PTPRS: variants seen among roughly 807,000 people sequenced by gnomAD.
The protein encoded by PTPRS is receptor-type tyrosine-protein phosphatase S.
PTPRS carries 63 observed loss-of-function variants against 215.3 expected under a neutral mutation model. That is an observed-to-expected ratio of 0.29 (90% confidence interval 0.24 to 0.36). PTPRS has a LOEUF of 0.36. PTPRS is among the 10% of genes least tolerant of loss of function. The pLI is 1.00. For missense variants in PTPRS, 2,258 were observed against 2,825.8 expected (o/e 0.80, Z 4.56); for synonymous variants, 1,404 against 1,191.4 (o/e 1.18, Z -3.68).
rs762693767 is a variant in PTPRS at position 5,239,071 on chromosome 19, C to T, written c.1705-8G>A. 2.5e-6 allele frequency: 4 copies of T among 1,600,110 alleles called. No homozygotes were observed. The Admixed American group carries it at 6.8e-5, about 27-fold the overall frequency. ...GTCGAAGGTCCTTCCCACCTGGGGG[C>T]AGGGCAGAGAAGGACAGAGAGGGAT... On this transcript the variant is annotated splice_polypyrimidine_tract_variant and splice_region_variant and intron_variant, in intron 12 of 37. Coordinates refer to ENST00000262963, the MANE Select transcript of PTPRS (RefSeq NM_002850.4).
chr19:5,239,339 CA>C (rs1241618328), intron 12 of PTPRS, among the ~76,000 whole-genome samples: 1 of 148,138 alleles, frequency 6.8e-6, no homozygotes, highest in South Asian at 2.2e-4. Context: ...CAGAGAGAAA[CA>C]GGGGAGAGAG....
Position 5,244,289 on chromosome 19 carries a change from G to A in PTPRS, c.1182C>T (p.Pro394=). The A allele has an allele frequency of 1.2e-6, 2 of 1,614,256 alleles. 1 individual carries two copies. ...ACACCCAGATCTCGTACTCCGAGTT[G>A]GGGCTCAGGCCGCCGATGCTGTAAC... ...TTRYSIGGLS[P]NSEYEIWVSA... Residue 394 remains proline, a synonymous_variant, in exon 11 of 38, where the codon CCC becomes CCT. Transcript: ENST00000262963. This position sits in a 1 kb window ranked among gnomAD's most constrained non-coding sequence, Gnocchi z 7.2.
At chr19:5,323,699 G>A (rs2050093362) in intron 1 of PTPRS, among the ~76,000 whole-genome samples, 1 of 152,226 alleles carries the variant, frequency 6.6e-6, no homozygotes, top group African/African-American at 2.4e-5. Flanking sequence ...GGATGGAGCA[G>A]GTTGTGCAAG....
rs771526918 is a variant in PTPRS, at chr19:5,208,378, C to T, written c.5501G>A (p.Arg1834Gln). The T allele has an allele frequency of 5.0e-6, 8 of 1,601,028 alleles. No individual in the cohort carries two copies. The highest frequency in any genetic ancestry group is 2.7e-5 in the African/African-American group (2 of 74,608). Residue 1834 changes from arginine to glutamine, a missense_variant, in exon 36 of 38, where the codon CGG (arginine) becomes CAG (glutamine). Physicochemically the swap from Arg to Gln is conservative, Grantham distance 43. Coordinates refer to ENST00000262963, the MANE Select transcript of PTPRS (RefSeq NM_002850.4). ...KVTDARDGQS[R>Q]TVRQFQFTDW... ...TGTGAACTGGAACTGCCGGACAGTC[C>T]GGGACTGGCCATCCTAGAGTGCAGA...
Position 5,258,066 on chromosome 19 carries a change from G to C in PTPRS, c.657C>G (p.Thr219=). Residue 219 remains threonine (T), a synonymous_variant, in exon 8 of 38, where the codon ACC becomes ACG. Transcript: ENST00000262963. ...AGGAGTAGCGCACGCCGGCGCTGTT[G>C]GTGGCCACACACTCATATTTGCCCT... ...TDQGKYECVA[T]NSAGVRYSSP... is the part of the protein sequence containing the mutation. 6.2e-7 allele frequency: 1 copy of C among 1,614,168 alleles called. No individual in the cohort carries two copies. Among genetic ancestry groups the C allele is most frequent in the Non-Finnish European group, 8.5e-7 (1 of 1,180,018 alleles).
In PTPRS at chr19:5,295,385, T is replaced by C. The variant is rs1296418387; in HGVS notation, c.-94-9151A>G. 5.3e-5 allele frequency among the ~76,000 whole-genome samples: 8 copies of C among 152,170 alleles called. No homozygotes were observed. Among genetic ancestry groups the C allele is most frequent in the Admixed American group, 5.2e-4 (8 of 15,288 alleles). ...TGTCCATGTCTCTGTGGAGGCAGAC[T>C]CTTGCCCCTATTCCACAGTGGTGAC... On this transcript the variant is annotated intron_variant, in intron 1 of 37. Transcript: ENST00000262963. This position sits in a 1 kb window ranked among gnomAD's most constrained non-coding sequence, Gnocchi z 4.6.
intron 35 of PTPRS, 73 bp from the exon 36 acceptor site, chr19:5,208,464 C>G: frequency 7.5e-7 from 1 of 1,336,508 alleles, no homozygotes; most frequent in South Asian, 1.8e-5. Context: ...TCCTCCCTAT[C>G]TTCACCCCCA....
chr19:5,212,535 C>A, intron 30 of PTPRS, 44 bp from the exon 31 acceptor site: 1 of 1,542,256 alleles, frequency 6.5e-7, no homozygotes, highest in Non-Finnish European at 8.8e-7. Context: ...GCTCAACCTG[C>A]CACCCATGTG....
intron 1 of PTPRS, among the ~76,000 whole-genome samples, chr19:5,320,140 C>A (rs1239841655): frequency 6.6e-6 from 1 of 152,184 alleles, no homozygotes; most frequent in African/African-American, 2.4e-5. Flanking sequence ...CACGCCTACT[C>A]CAGCCGGGGC....
chr19:5,281,559 C>T (rs2047850606), intron 2 of PTPRS, among the ~76,000 whole-genome samples: 1 of 152,194 alleles, frequency 6.6e-6, no homozygotes, highest in Admixed American at 6.5e-5. Context: ...TCTTACTGTC[C>T]CTTCCACATC....
In PTPRS at chr19:5,206,791, C is replaced by A; in HGVS notation, c.5830G>T (p.Asp1944Tyr). The change falls in exon 38 of 38, where the codon GAC (aspartate) becomes TAC (tyrosine). Residue 1944 changes from aspartate to tyrosine, a missense_variant. Transcript: ENST00000262963. ...CCATGGCTTTAGGTTGCATAGTGGT[C>A]AAAGCTTCCGAGGTACTCCAGTGCC... ...QAALEYLGSFDHYAT is the reference protein window; with the variant it reads ...QAALEYLGSFYHYAT 1 of 1,614,058 alleles carries A rather than the reference C, an allele frequency of 6.2e-7. No individual in the cohort carries two copies. The highest frequency in any genetic ancestry group is 1.1e-5 in the South Asian group (1 of 91,064).
chr19:5,228,038 C>T (rs1006246685), intron 16 of PTPRS, among the ~76,000 whole-genome samples: 5 of 152,052 alleles, frequency 3.3e-5, no homozygotes, highest in African/African-American at 1.2e-4. Context: ...GGTCTCCTAC[C>T]CCTGAGCCTC....
intron 13 of PTPRS, among the ~76,000 whole-genome samples, chr19:5,236,485 C>T (rs1354875393): frequency 6.6e-6 from 1 of 152,204 alleles, no homozygotes; most frequent in Non-Finnish European, 1.5e-5. Flanking sequence ...ATCTACGTCC[C>T]CTGGAGGGAG....
chr19:5,258,770 G>A lies in PTPRS; in HGVS notation c.596-643C>T, dbSNP rs543168036. ...GAGGCAGCTAAAGTAAAAAAACGTT[G>A]ATGCTGGTGTGTATCAAGTATGTTT... On this transcript the variant is annotated intron_variant, in intron 7 of 37. Transcript: ENST00000262963. 5.9e-5 allele frequency among the ~76,000 whole-genome samples: 9 copies of A among 152,328 alleles called. No homozygotes were observed. The South Asian group carries it at 8.3e-4, about 14-fold the overall frequency.
chr19:5,302,768 CATGGCTCGGCCAGGCGTG>C (rs979130899), intron 1 of PTPRS, among the ~76,000 whole-genome samples: 11 of 152,008 alleles, frequency 7.2e-5, no homozygotes, highest in African/African-American at 2.7e-4. Flanking sequence ...CTTCAAAAAC[CATGGCTCGGCCAGGCGTG>C]GTGGCTCACG....
At chr19:5,261,317 G>A (rs911655526) in intron 6 of PTPRS, among the ~76,000 whole-genome samples, 2 of 152,148 alleles carry the variant, frequency 1.3e-5, no homozygotes, top group Non-Finnish European at 2.9e-5. Context: ...AGGTGGGTGG[G>A]GTTAGTGCCC....
At position 5,287,861 on chromosome 19, in the gene PTPRS, C is replaced by A. The variant is rs563071676; in HGVS notation, c.-94-1627G>T. 1.6e-3 allele frequency among the ~76,000 whole-genome samples: 238 copies of A among 152,070 alleles called. 1 individual carries two copies. Among genetic ancestry groups the A allele is most frequent in the African/African-American group, 5.5e-3 (227 of 41,478 alleles). ...ACAGACATACACAGATGCACACAGTCAAACCACCGATACACACCGACACAC... is the reference window on the plus strand; with the variant it reads ...ACAGACATACACAGATGCACACAGTAAAACCACCGATACACACCGACACAC... On this transcript the variant is annotated intron_variant, in intron 1 of 37. Coordinates refer to ENST00000262963, the MANE Select transcript of PTPRS (RefSeq NM_002850.4). This position sits in a 1 kb window ranked among gnomAD's most constrained non-coding sequence, Gnocchi z 4.8.
intron 9 of PTPRS, among the ~76,000 whole-genome samples, chr19:5,246,794 T>C (rs1208661745): frequency 6.6e-6 from 1 of 152,016 alleles, no homozygotes; most frequent in Non-Finnish European, 1.5e-5. Context: ...GGTTTTTGGG[T>C]ATAGAAACCC....
chr19:5,214,675 C>G lies in PTPRS; in HGVS notation c.4380G>C (p.Ala1460=). The part of the protein sequence containing the change: ...NYVDGYRCQN[A]YIATQGPLPE... The stretch of plus-strand genomic sequence containing the variant: ...GCAGCGGCCCCTGCGTGGCAATGTA[C>G]GCGTTCTGACACCGGTAGCCGTCCA... The change falls in exon 29 of 38, where the codon GCG becomes GCC. Residue 1460 remains alanine, a synonymous_variant. Coordinates refer to ENST00000262963, the MANE Select transcript of PTPRS (RefSeq NM_002850.4). 1.2e-6 allele frequency: 2 copies of G among 1,612,968 alleles called. No individual in the cohort carries two copies. The highest frequency in any genetic ancestry group is 1.3e-5 in the African/African-American group (1 of 75,074).
Sources: allele counts gnomAD v4.1 joint callset (sites outside exome capture counted in the v4.1 genomes callset), GRCh38; gene constraint gnomAD v4.1.1; non-coding constraint Gnocchi (gnomAD v3.1); transcripts MANE v1.5; gene names NCBI Gene and HGNC (gene_info 2026-07-23, HGNC 2026-07-21).